Variants in COL4A2 observed in about 807,000 individuals in gnomAD.
COL4A2 encodes collagen type IV alpha 2 chain.
A neutral mutation model predicts 200.2 loss-of-function variants in COL4A2; 99 were observed. That is an observed-to-expected ratio of 0.49 (90% CI 0.42 to 0.58). The LOEUF is 0.58. Ranked by LOEUF, COL4A2 falls within the 20% of genes least tolerant of loss-of-function variation. COL4A2 has a pLI of 0.00. For missense variants in COL4A2, 1,950 were observed against 2,314.1 expected (o/e 0.84, Z 3.23); for synonymous variants, 897 against 900.6 (o/e 1.00, Z 0.07).
At chr13:110,432,196 A>G (rs534922341) in intron 10 of COL4A2, 129 bp from the exon 11 acceptor site, 423 of 1,177,456 alleles carry the variant, frequency 3.6e-4, no homozygotes, top group Non-Finnish European at 4.4e-4. Flanking sequence ...CAAATGCATC[A>G]GAAACCTCCA....
rs746072214 is a variant in COL4A2 at position 110,506,510 on chromosome 13, C to G, written c.4498C>G (p.Gln1500Glu). 1.2e-6 allele frequency: 2 copies of G among 1,613,064 alleles called. No homozygotes were observed. Among genetic ancestry groups the G allele is most frequent in the South Asian group, 2.2e-5 (2 of 90,906 alleles). ...CCTGGTGAAGCACAGCCAGACGGAC[C>G]AGGAGCCCATGTGCCCAGTGGGCAT... is the stretch of plus-strand genomic sequence containing the variant. ...YLLVKHSQTD[Q>E]EPMCPVGMNK... Residue 1500 changes from glutamine to glutamate, a missense_variant, in exon 46 of 48, where the codon CAG becomes GAG. Physicochemically the swap from Gln to Glu is conservative, Grantham distance 29. This residue lies in a region of COL4A2 where 1,385 missense variants were observed against 1,720.5 expected (regional missense o/e 0.80). Transcript: ENST00000360467.
intron 3 of COL4A2, among the ~76,000 whole-genome samples, chr13:110,315,857 C>T (rs1452142834): frequency 6.6e-6 from 1 of 152,198 alleles, no homozygotes; most frequent in Admixed American, 6.5e-5. Context: ...GAGCTTGTTA[C>T]ATAAATGATT....
At chr13:110,505,453 T>A (rs993113084) in intron 45 of COL4A2, among the ~76,000 whole-genome samples, 1 of 151,808 alleles carries the variant, frequency 6.6e-6, no homozygotes, top group Non-Finnish European at 1.5e-5. Flanking sequence ...CGGCAAATTA[T>A]GGGTAGTGTG....
At chr13:110,317,172 G>A (rs1042734962) in intron 3 of COL4A2, among the ~76,000 whole-genome samples, 1 of 137,028 alleles carries the variant, frequency 7.3e-6, no homozygotes, top group Admixed American at 7.4e-5. Context: ...ACACACACAT[G>A]CACATAGACA....
intron 34 of COL4A2, among the ~76,000 whole-genome samples, chr13:110,487,853 A>G (rs946062472): frequency 1.3e-5 from 2 of 152,194 alleles, no homozygotes; most frequent in African/African-American, 4.8e-5. Flanking sequence ...TGTGTCTTTC[A>G]GTGACACACG....
intron 3 of COL4A2, among the ~76,000 whole-genome samples, chr13:110,346,703 C>T (rs575065586): frequency 2.0e-5 from 3 of 151,732 alleles, no homozygotes; most frequent in Admixed American, 6.5e-5. Context: ...GCCTGCCTGA[C>T]GGCTGACGAC....
At chr13:110,401,112 G>T (rs1445511730) in intron 4 of COL4A2, among the ~76,000 whole-genome samples, 4 of 152,182 alleles carry the variant, frequency 2.6e-5, no homozygotes, top group African/African-American at 9.6e-5. Flanking sequence ...GTTCAGCTTT[G>T]CCCTTTATCA....
chr13:110,436,175 A>T (rs1322055705), intron 12 of COL4A2, 94 bp from the exon 13 acceptor site: 2 of 1,566,518 alleles, frequency 1.3e-6, no homozygotes, highest in Non-Finnish European at 1.8e-6. Context: ...TGCAAACATT[A>T]AAACTGCAGT....
chr13:110,429,971 G>C lies in COL4A2; in HGVS notation c.549+15G>C, dbSNP rs74124318. On this transcript the variant is annotated intron_variant, in intron 8 of 47. Coordinates refer to ENST00000360467, the MANE Select transcript of COL4A2 (RefSeq NM_001846.4). ...ACAGATATCGGGTACGTTTGCAAGA[G>C]ATGGGAGGGGTAATGAAGGGACCCA... 9,629 of 1,582,582 alleles carry C rather than the reference G, an allele frequency of 6.1e-3. 532 individuals are homozygous for C. The African/African-American group carries it at 0.12, about 19-fold the overall frequency.
Position 110,449,735 on chromosome 13 carries a change from G to A in COL4A2, c.1135G>A (p.Glu379Lys), listed in dbSNP as rs1178832851. Residue 379 changes from glutamate to lysine, a missense_variant, in exon 19 of 48, where the codon GAG (glutamate) becomes AAG (lysine). By Grantham distance (56) the Glu-to-Lys change is moderately conservative. Around this residue, in one of 2 missense-constraint regions of COL4A2, gnomAD observed 565 missense variants for 593.5 expected, o/e 0.95. Coordinates refer to ENST00000360467, the MANE Select transcript of COL4A2 (RefSeq NM_001846.4). The stretch of plus-strand genomic sequence containing the variant: ...CCAAGGGGAGCCAGGAAGCCAGGGT[G>A]AGCCAGGAGACCCGGGCCTCCCAGG... Reference protein sequence around the residue: ...GAQGEPGSQGEPGDPGLPGPP... With the variant: ...GAQGEPGSQGKPGDPGLPGPP... The A allele has an allele frequency of 7.1e-6, 11 of 1,549,520 alleles. No homozygotes were observed. The Admixed American group carries it at 1.2e-4, about 17-fold the overall frequency.
At chr13:110,388,802 G>C (rs1251675439) in intron 4 of COL4A2, among the ~76,000 whole-genome samples, 1 of 152,180 alleles carries the variant, frequency 6.6e-6, no homozygotes, top group Non-Finnish European at 1.5e-5. Flanking sequence ...CAAAGGTCTG[G>C]TCTCCACTGC....
intron 3 of COL4A2, among the ~76,000 whole-genome samples, chr13:110,323,063 C>G (rs539066616): frequency 7.2e-4 from 110 of 152,358 alleles, no homozygotes; most frequent in African/African-American, 2.5e-3. Flanking sequence ...CCAGCCTGGG[C>G]ACTGTTGCAC....
At chr13:110,367,053 G>A (rs916891224) in intron 4 of COL4A2, among the ~76,000 whole-genome samples, 1 of 152,152 alleles carries the variant, frequency 6.6e-6, no homozygotes, top group Non-Finnish European at 1.5e-5. Flanking sequence ...TCCTCTCTGT[G>A]TCCAGCCTAG....
chr13:110,430,520 A>G (rs1487263690), intron 9 of COL4A2, 25 bp from the exon 10 acceptor site: 7 of 1,614,174 alleles, frequency 4.3e-6, no homozygotes, highest in Non-Finnish European at 4.2e-6. Flanking sequence ...TCTCTTAAAA[A>G]CATTCTCCCG....
intron 4 of COL4A2, among the ~76,000 whole-genome samples, chr13:110,415,778 G>A (rs1880019193): frequency 6.6e-6 from 1 of 152,222 alleles, no homozygotes; most frequent in Admixed American, 6.5e-5. Context: ...CCTTTGGAAG[G>A]CCACCCACAC....
intron 22 of COL4A2, 195 bp downstream of exon 22, chr13:110,459,129 AGG>A (rs2139494182): frequency 1.9e-6 from 1 of 513,442 alleles, no homozygotes; most frequent in African/African-American, 2.0e-5. Context: ...GAGACTGAGA[AGG>A]GGCGCTGCTG....
intron 3 of COL4A2, among the ~76,000 whole-genome samples, chr13:110,340,173 G>A (rs1876385341): frequency 6.6e-6 from 1 of 152,092 alleles, no homozygotes; most frequent in Non-Finnish European, 1.5e-5. Context: ...GCCCAGGTTG[G>A]AGTGCCTGAT....
In COL4A2 at chr13:110,434,403, C is replaced by T. The variant is rs770643255; in HGVS notation, c.687C>T (p.Gly229=). 2 of 1,613,244 alleles carry T rather than the reference C, an allele frequency of 1.2e-6. No homozygotes were observed. The highest frequency in any genetic ancestry group is 1.7e-6 in the Non-Finnish European group (2 of 1,179,502). Reference sequence around the variant, plus strand: ...ACAGAAATTATTTATCTTTTCAGGGCAACAGAGGACTTGGTTTCTACGGAG... The same window carrying T: ...ACAGAAATTATTTATCTTTTCAGGGTAACAGAGGACTTGGTTTCTACGGAG... The part of the protein sequence containing the change: ...PGPPGPKGQQ[G]NRGLGFYGVK... Residue 229 remains glycine, a splice_region_variant and synonymous_variant, in exon 12 of 48, where the codon GGC becomes GGT. Coordinates refer to ENST00000360467, the MANE Select transcript of COL4A2 (RefSeq NM_001846.4).
chr13:110,445,851 A>G lies in COL4A2; in HGVS notation c.980A>G (p.Tyr327Cys), dbSNP rs1881300877. 6.2e-7 allele frequency: 1 copy of G among 1,614,240 alleles called. No individual in the cohort carries two copies. The highest frequency in any genetic ancestry group is 8.5e-7 in the Non-Finnish European group (1 of 1,180,038). ...CAGGGAAGCCGAGGCCTGGATGGCT[A>G]TCAAGGGCCTGATGGACCCCGGGGA... is the stretch of plus-strand genomic sequence containing the variant. ...GQKGSRGLDG[Y>C]QGPDGPRGPK... The change falls in exon 17 of 48, where the codon TAT becomes TGT. Residue 327 changes from tyrosine (Y) to cysteine (C), a missense_variant. Coordinates refer to ENST00000360467, the MANE Select transcript of COL4A2 (RefSeq NM_001846.4).
Sources: gnomAD v4.1 joint callset for allele counts (sites outside exome capture counted in the v4.1 genomes callset) on GRCh38, gnomAD v4.1.1 for gene constraint, gnomAD v4.1.1 regional missense constraint, MANE v1.5 for transcripts, NCBI Gene and HGNC (gene_info 2026-07-23, HGNC 2026-07-21) for gene names.